RHCG: variants seen among roughly 807,000 people sequenced by gnomAD.
The protein encoded by RHCG is Rh family C glycoprotein.
Under a neutral mutation model 55.3 loss-of-function variants are expected in RHCG, and 39 were observed. That is an observed-to-expected ratio of 0.70 (90% confidence interval 0.55 to 0.92). RHCG has a LOEUF of 0.92. RHCG is among the 40% of genes least tolerant of loss of function. RHCG has a pLI of 0.00. For synonymous variants in RHCG, 250 were observed against 246.8 expected, an observed-to-expected ratio of 1.01 and a Z score of -0.12; for missense variants, 635 against 627.9, an observed-to-expected ratio of 1.01 and a Z score of -0.12.
chr15:89,477,263 G>A lies in RHCG; in HGVS notation c.1113-57C>T. The A allele has an allele frequency of 6.2e-7, 1 of 1,602,144 alleles. No individual in the cohort carries two copies. ...CCATGGAGAGGCCAAGTAACAGCTTGCTGCCACCCCAAAAATGTGACCGGG... is the reference window on the plus strand; with the variant it reads ...CCATGGAGAGGCCAAGTAACAGCTTACTGCCACCCCAAAAATGTGACCGGG... On this transcript the variant is annotated intron_variant, in intron 7 of 10. Transcript: ENST00000268122. The surrounding 1 kb of genome is among the most constrained non-coding windows in gnomAD (Gnocchi z 4.5).
chr15:89,478,936 C>CA (rs1233034994), intron 5 of RHCG, among the ~76,000 whole-genome samples: 2 of 151,990 alleles, frequency 1.3e-5, no homozygotes, highest in African/African-American at 4.8e-5. Context: ...ACTAAAAATA[C>CA]AAAAATTAGC....
chr15:89,476,006 G>GCTCTCTCTCT lies in RHCG; in HGVS notation c.1311+748_1311+749insAGAGAGAGAG, dbSNP rs1209826016. ...CTTTGCATTTCTCTCTCTCTCTCTT[G>GCTCTCTCTCT]CTCTCGCTCTCTCTCTCTCTCTCTC... On this transcript the variant is annotated intron_variant, in intron 9 of 10. Transcript: ENST00000268122. Among the ~76,000 whole-genome samples, 237 of 137,926 alleles carry GCTCTCTCTCT rather than the reference G, an allele frequency of 1.7e-3. 1 individual carries two copies. The highest frequency in any genetic ancestry group is 7.7e-3 in the African/African-American group (227 of 29,466). 90.5% of individuals were successfully genotyped at this position (137,926 alleles called of 152,430 possible). A position where few individuals can be genotyped will look rare whatever the true frequency, so the allele number is the denominator to read the frequency against.
intron 9 of RHCG, among the ~76,000 whole-genome samples, chr15:89,473,519 C>T (rs956044088): frequency 1.1e-4 from 17 of 152,172 alleles, no homozygotes; most frequent in African/African-American, 4.1e-4. Context: ...TATTCCCAAC[C>T]AGGTACAGCC....
In RHCG at chr15:89,472,851, T is replaced by C. The variant is rs1961066764; in HGVS notation, c.1324A>G (p.Asn442Asp). ...TCCTCAGGGATGTAGACAGTGCTGT[T>C]CCCTTCAGGCATCTACAGAGAGAGG... is the stretch of plus-strand genomic sequence containing the variant. ...DAVYWEMPEG[N>D]STVYIPEDPT... The change falls in exon 10 of 11, where the codon AAC (asparagine) becomes GAC (aspartate). Residue 442 changes from asparagine (N) to aspartate (D), a missense_variant. Physicochemically the swap from Asn to Asp is conservative, Grantham distance 23 (BLOSUM62 1). Transcript: ENST00000268122. 1 of 1,499,868 alleles carries C rather than the reference T, an allele frequency of 6.7e-7. No homozygotes were observed. Among genetic ancestry groups the C allele is most frequent in the African/African-American group, 1.4e-5 (1 of 70,898 alleles). 92.9% of individuals were successfully genotyped at this position (1,499,868 alleles called of 1,614,324 possible). A position where few individuals can be genotyped will look rare whatever the true frequency, so the allele number is the denominator to read the frequency against.
At chr15:89,492,305 G>A (rs1961491535) in intron 1 of RHCG, among the ~76,000 whole-genome samples, 2 of 152,206 alleles carry the variant, frequency 1.3e-5, no homozygotes, top group Non-Finnish European at 2.9e-5. Context: ...CAGGCTGGCT[G>A]AGTCTAGGGG....
rs1294693044 is a variant in RHCG at position 89,480,268 on chromosome 15, G to A, written c.663C>T (p.Ala221=). ...QNSVYQSDLF[A]MIGTLFLWMY... ...CATGATGGCAGTTCTCACCAATCAT[G>A]GCAAAGAGGTCCGACTGGTACACAG... Residue 221 remains alanine (A), a synonymous_variant, in exon 4 of 11, where the codon GCC becomes GCT. Coordinates refer to ENST00000268122, the MANE Select transcript of RHCG (RefSeq NM_016321.3). The A allele has an allele frequency of 6.2e-7, 1 of 1,613,886 alleles. No homozygotes were observed. The highest frequency in any genetic ancestry group is 8.5e-7 in the Non-Finnish European group (1 of 1,179,968).
chr15:89,478,417 G>A (rs73468556), intron 5 of RHCG, among the ~76,000 whole-genome samples: 12,579 of 152,230 alleles, frequency 0.083, 1,745 homozygotes, highest in African/African-American at 0.28. Flanking sequence ...ACCAGGTACC[G>A]TGCTGCTGGC....
intron 9 of RHCG, among the ~76,000 whole-genome samples, chr15:89,474,341 T>C (rs1596401115): frequency 6.6e-6 from 1 of 152,346 alleles, no homozygotes; most frequent in East Asian, 1.9e-4. Context: ...AGTTACCTTA[T>C]AGTAGATAGT....
In RHCG at chr15:89,472,575, C is replaced by T. The variant is rs184041980; in HGVS notation, c.*24+136G>A. On this transcript the variant is annotated intron_variant, in intron 10 of 10. Coordinates refer to ENST00000268122, the MANE Select transcript of RHCG (RefSeq NM_016321.3). ...CTGCCAACCCCATGTGCCCACTGCA[C>T]CTCAGGCAGGAGGGGTGGAAGCCCT... 1,203 of 834,680 alleles carry T rather than the reference C, an allele frequency of 1.4e-3. 4 individuals carry two copies. Among genetic ancestry groups the T allele is most frequent in the Middle Eastern group, 9.6e-3 (25 of 2,604 alleles). The allele number at this position is 834,680 out of a possible 1,614,324, so 51.7% of individuals were successfully genotyped here. A position where few individuals can be genotyped will look rare whatever the true frequency, so the allele number is the denominator to read the frequency against.
intron 2 of RHCG, among the ~76,000 whole-genome samples, chr15:89,483,419 A>G (rs1961304352): frequency 6.6e-6 from 1 of 152,122 alleles, no homozygotes; most frequent in Non-Finnish European, 1.5e-5. Context: ...CTAGTACAGC[A>G]GCACACACCA....
intron 1 of RHCG, among the ~76,000 whole-genome samples, chr15:89,488,123 C>T (rs912760126): frequency 2.0e-5 from 3 of 152,130 alleles, no homozygotes; most frequent in African/African-American, 7.2e-5. Flanking sequence ...GGAAGGGCTC[C>T]CACTGGCCAA....
At chr15:89,485,313 C>A (rs1311224398) in intron 2 of RHCG, among the ~76,000 whole-genome samples, 1 of 152,108 alleles carries the variant, frequency 6.6e-6, no homozygotes, top group African/African-American at 2.4e-5. Context: ...ATTTCTTGTG[C>A]ATTTTGAACT....
At chr15:89,481,021 G>T (rs1183835068) in intron 3 of RHCG, among the ~76,000 whole-genome samples, 1 of 152,216 alleles carries the variant, frequency 6.6e-6, no homozygotes, top group African/African-American at 2.4e-5. Context: ...AGGTAAGTGT[G>T]TCATCCAAGG....
Position 89,483,167 on chromosome 15 carries a change from GC to G in RHCG, c.421del (p.Ala141GlnfsTer14). On this transcript the variant is annotated frameshift_variant, in exon 3 of 11. Coordinates refer to ENST00000268122, the MANE Select transcript of RHCG (RefSeq NM_016321.3). LOFTEE classifies it high-confidence loss of function. ...CVASVCVAFG[A>X]VLGKVSPIQL... ...AATGGGGCTGACTTTACCCAGAACT[GC>G]CCCAAAGGCCACGCAGACAGAGGCC... The G allele has an allele frequency of 6.3e-7, 1 of 1,597,232 alleles. No individual in the cohort carries two copies. Among genetic ancestry groups the G allele is most frequent in the Non-Finnish European group, 8.6e-7 (1 of 1,166,212 alleles).
intron 5 of RHCG, 119 bp downstream of exon 5, chr15:89,479,203 C>CCCAA (rs1961216227): frequency 9.6e-7 from 1 of 1,041,222 alleles, no homozygotes; most frequent in Non-Finnish European, 1.4e-6. Context: ...TCATTTCTCC[C>CCCAA]CCAACCTCAT....
At chr15:89,472,572 G>C in intron 10 of RHCG, 139 bp downstream of exon 10, 1 of 792,086 alleles carries the variant, frequency 1.3e-6, no homozygotes, top group South Asian at 1.8e-5. Flanking sequence ...TGTGCCCACT[G>C]CACCTCAGGC....
chr15:89,474,158 C>A (rs1467427584), intron 9 of RHCG, among the ~76,000 whole-genome samples: 1 of 151,928 alleles, frequency 6.6e-6, no homozygotes, highest in African/African-American at 2.4e-5. Flanking sequence ...AAAATCTATG[C>A]AGAGAAAAAA....
chr15:89,495,612 G>A (rs1596410905), intron 1 of RHCG, among the ~76,000 whole-genome samples: 1 of 152,172 alleles, frequency 6.6e-6, no homozygotes, highest in African/African-American at 2.4e-5. Flanking sequence ...TGGTGCTCTT[G>A]TAGCAATTGC....
chr15:89,486,130 A>C, intron 2 of RHCG: 1 of 397,494 alleles, frequency 2.5e-6, no homozygotes, highest in South Asian at 1.8e-5. Flanking sequence ...AAGTGACAGT[A>C]GGGTGCTCCA....
Sources: gnomAD v4.1 joint callset for allele counts (sites outside exome capture counted in the v4.1 genomes callset) on GRCh38, gnomAD v4.1.1 for gene constraint, Gnocchi (gnomAD v3.1) non-coding constraint, MANE v1.5 for transcripts, NCBI Gene and HGNC (gene_info 2026-07-23, HGNC 2026-07-21) for gene names.